RECQL: variants seen among roughly 807,000 people sequenced by gnomAD.
RECQL encodes the protein RecQ like helicase, also known as ATP-dependent DNA helicase Q1.
RECQL carries 73 observed loss-of-function variants against 75.8 expected under a neutral mutation model. The ratio of observed to expected loss-of-function variants is 0.96; its 90% CI spans 0.80 to 1.17. RECQL has a LOEUF of 1.17. RECQL is among the 50% of genes most tolerant of loss of function. The pLI is 0.00. For missense variants in RECQL, 699 were observed against 772.1 expected, an observed-to-expected ratio of 0.91 and a Z score of 1.12; for synonymous variants, 248 against 254.4, an observed-to-expected ratio of 0.97 and a Z score of 0.24.
In RECQL at chr12:21,493,662, G is replaced by A. The variant is rs116787077; in HGVS notation, c.17-1946C>T. Among the ~76,000 whole-genome samples, 528 of 152,264 alleles carry A rather than the reference G, an allele frequency of 3.5e-3. 4 individuals are homozygous for A. The highest frequency in any genetic ancestry group is 0.012 in the African/African-American group (501 of 41,550). On this transcript the variant is annotated intron_variant, in intron 2 of 14. Transcript: ENST00000444129. ...GGGGAACATAAGGGCAGATTCCAAC[G>A]AAGCAGGTTACCTTAAACCACTAAA...
intron 5 of RECQL, among the ~76,000 whole-genome samples, chr12:21,484,326 A>C (rs1943248756): frequency 6.6e-6 from 1 of 152,196 alleles, no homozygotes; most frequent in African/African-American, 2.4e-5. Flanking sequence ...TCTAGGATAC[A>C]GATGTTCTTT....
At position 21,483,415 on chromosome 12, in the gene RECQL, C is replaced by T. The variant is rs1174554738; in HGVS notation, c.661G>A (p.Val221Ile). 6.2e-7 allele frequency: 1 copy of T among 1,605,436 alleles called. No individual in the cohort carries two copies. Among genetic ancestry groups the T allele is most frequent in the South Asian group, 1.1e-5 (1 of 89,446 alleles). The stretch of plus-strand genomic sequence containing the variant: ...TGTCCCCACTGACTACAGCAGTGAA[C>T]TTCATCCACAGCAATTCGAGTAAAT... ...RRFTRIAVDEVHCCSQWGHDF... is the reference protein window; with the variant it reads ...RRFTRIAVDEIHCCSQWGHDF... Residue 221 changes from valine (V) to isoleucine (I), a missense_variant, in exon 6 of 15, where the codon GTT (valine) becomes ATT (isoleucine). Coordinates refer to ENST00000444129, the MANE Select transcript of RECQL (RefSeq NM_002907.4).
intron 2 of RECQL, among the ~76,000 whole-genome samples, chr12:21,494,465 T>G (rs553790921): frequency 9.8e-5 from 15 of 152,340 alleles, no homozygotes; most frequent in Admixed American, 9.1e-4. Flanking sequence ...ATTCTGGATT[T>G]AATGTCCTAG....
chr12:21,476,314 CA>C (rs1014082345), intron 8 of RECQL, among the ~76,000 whole-genome samples: 1 of 152,032 alleles, frequency 6.6e-6, no homozygotes, highest in African/African-American at 2.4e-5. Context: ...TAAATACCTG[CA>C]ACCTTTCTCA....
chr12:21,475,865 AT>A (rs1565565026), intron 8 of RECQL, 41 bp from the exon 9 acceptor site: 1 of 1,513,846 alleles, frequency 6.6e-7, no homozygotes, highest in East Asian at 2.3e-5. Flanking sequence ...GATATGGCAT[AT>A]TCCTGGAAGA....
At position 21,500,565 on chromosome 12, in the gene RECQL, A is replaced by G. The variant is rs570555960; in HGVS notation, c.-46+605T>C. 1.3e-4 allele frequency among the ~76,000 whole-genome samples: 20 copies of G among 152,336 alleles called. No homozygotes were observed. In the South Asian group the frequency reaches 3.5e-3, roughly 27 times the overall value. On this transcript the variant is annotated intron_variant, in intron 1 of 14. Transcript: ENST00000444129. ...CCTTGCTAAAGAATGTGGAATAACC[A>G]CACCATTAAAAGAAGGCTAAATAGG...
At chr12:21,488,346 TTC>T (rs1943345411) in intron 4 of RECQL, among the ~76,000 whole-genome samples, 1 of 152,188 alleles carries the variant, frequency 6.6e-6, no homozygotes, top group Non-Finnish European at 1.5e-5. Flanking sequence ...CAAGCCCTTT[TTC>T]TCTGTTTATC....
intron 11 of RECQL, 82 bp downstream of exon 11, chr12:21,474,759 T>A (rs1032027646): frequency 1.7e-5 from 23 of 1,359,426 alleles, no homozygotes; most frequent in Non-Finnish European, 2.3e-5. Context: ...CACCAATGTA[T>A]TTAGTAAGAA....
At chr12:21,500,138 A>T (rs952100221) in intron 1 of RECQL, among the ~76,000 whole-genome samples, 1 of 152,240 alleles carries the variant, frequency 6.6e-6, no homozygotes, top group Non-Finnish European at 1.5e-5. Context: ...TAAATAATAA[A>T]ATTAATCATC....
At chr12:21,494,101 G>C (rs1460357027) in intron 2 of RECQL, among the ~76,000 whole-genome samples, 2 of 152,138 alleles carry the variant, frequency 1.3e-5, no homozygotes, top group Non-Finnish European at 2.9e-5. Flanking sequence ...AGGCAAAGGG[G>C]GGCAGGTGTG....
In RECQL at chr12:21,473,541, A is replaced by G. The variant is rs1943024924; in HGVS notation, c.1447+10T>C. The G allele has an allele frequency of 6.2e-7, 1 of 1,608,074 alleles. No individual in the cohort carries two copies. The highest frequency in any genetic ancestry group is 8.5e-7 in the Non-Finnish European group (1 of 1,175,164). ...TTAGCCTATAAAGGTTTACAAAACA[A>G]CAAACTCACCACTGTCTTTACAGCA... On this transcript the variant is annotated intron_variant, in intron 12 of 14. Coordinates refer to ENST00000444129, the MANE Select transcript of RECQL (RefSeq NM_002907.4).
intron 6 of RECQL, 52 bp downstream of exon 6, chr12:21,483,324 G>T: frequency 1.7e-6 from 2 of 1,193,286 alleles, no homozygotes; most frequent in Non-Finnish European, 2.4e-6. Flanking sequence ...GCCAAGCTGA[G>T]TAAGGACACG....
rs774567485 is a variant in RECQL, at chr12:21,475,523, G to A, written c.1161C>T (p.Ile387=). ...GIDKPDVRFV[I]HHSMSKSMEN... ...CCATGGATTTACTCATTGAATGATG[G>A]ATAACAAACCTCACATCTGGCTTAT... The change falls in exon 10 of 15, where the codon ATC becomes ATT. Residue 387 remains isoleucine (I), a synonymous_variant. Coordinates refer to ENST00000444129, the MANE Select transcript of RECQL (RefSeq NM_002907.4). 1.9e-6 allele frequency: 3 copies of A among 1,612,744 alleles called. No homozygotes were observed. Among genetic ancestry groups the A allele is most frequent in the Admixed American group, 1.7e-5 (1 of 59,932 alleles).
At chr12:21,494,861 T>C (rs952663779) in intron 2 of RECQL, among the ~76,000 whole-genome samples, 1 of 152,202 alleles carries the variant, frequency 6.6e-6, no homozygotes. Flanking sequence ...ATCTTCCAAG[T>C]AGACCACCTG....
chr12:21,473,508 T>C lies in RECQL; in HGVS notation c.1447+43A>G, dbSNP rs373470216. On this transcript the variant is annotated intron_variant, in intron 12 of 14. Coordinates refer to ENST00000444129, the MANE Select transcript of RECQL (RefSeq NM_002907.4). ...AACGTATCTCTGTCACTAGGCATTA[T>C]GACTGTATTAGCCTATAAAGGTTTA... 5 of 1,426,324 alleles carry C rather than the reference T, an allele frequency of 3.5e-6. No individual in the cohort carries two copies. The African/African-American group carries it at 5.6e-5, about 16-fold the overall frequency. 88.4% of individuals were successfully genotyped at this position (1,426,324 alleles called of 1,614,324 possible).
At chr12:21,496,965 T>G (rs1301454103) in intron 2 of RECQL, among the ~76,000 whole-genome samples, 1 of 152,182 alleles carries the variant, frequency 6.6e-6, no homozygotes, top group East Asian at 1.9e-4. Flanking sequence ...TATGACACCT[T>G]TGGCCTATAG....
intron 4 of RECQL, among the ~76,000 whole-genome samples, chr12:21,488,750 T>C (rs1313708147): frequency 2.6e-5 from 4 of 152,224 alleles, no homozygotes; most frequent in Non-Finnish European, 5.9e-5. Context: ...TCCAGATGTA[T>C]CTGGAATTCA....
intron 6 of RECQL, among the ~76,000 whole-genome samples, chr12:21,479,937 T>C (rs1943161366): frequency 6.6e-6 from 1 of 152,180 alleles, no homozygotes; most frequent in Non-Finnish European, 1.5e-5. Context: ...AATAGATAAA[T>C]GTTGAACACC....
chr12:21,497,046 C>T (rs1274755587), intron 2 of RECQL, among the ~76,000 whole-genome samples: 1 of 152,120 alleles, frequency 6.6e-6, no homozygotes, highest in Non-Finnish European at 1.5e-5. Flanking sequence ...GAACTATTAC[C>T]CTTTCAGAAA....
Sources: allele counts gnomAD v4.1 joint callset (sites outside exome capture counted in the v4.1 genomes callset), GRCh38; gene constraint gnomAD v4.1.1; transcripts MANE v1.5; gene names NCBI Gene and HGNC (gene_info 2026-07-23, HGNC 2026-07-21).